IL1RAPL2: variants seen among roughly 807,000 people sequenced by gnomAD.
IL1RAPL2 encodes the protein interleukin 1 receptor accessory protein like 2.
A neutral mutation model predicts 44.1 loss-of-function variants in IL1RAPL2; 3 were observed. That is an observed-to-expected ratio of 0.07 (90% confidence interval 0.03 to 0.18). The LOEUF is 0.18. IL1RAPL2 is among the 10% of genes least tolerant of loss of function. IL1RAPL2 has a pLI of 1.00. For synonymous variants in IL1RAPL2, 181 were observed against 178.8 expected, an observed-to-expected ratio of 1.01 and a Z score of -0.10; for missense variants, 391 against 496.4, an observed-to-expected ratio of 0.79 and a Z score of 2.02.
rs210730 is a variant in IL1RAPL2, at chrX:105,595,366, A to C, written c.772+110979A>C. On this transcript the variant is annotated intron_variant, in intron 6 of 10. Coordinates refer to ENST00000372582, the MANE Select transcript of IL1RAPL2 (RefSeq NM_017416.2). ...ATTAAATAAGAATTTTACCACTGGA[A>C]TTTCTCTGAAACTTTAATATACTAA... 3.3e-3 allele frequency among the ~76,000 whole-genome samples: 372 copies of C among 111,650 alleles called. 1 individual carries two copies. Among genetic ancestry groups the C allele is most frequent in the African/African-American group, 0.011 (351 of 30,741 alleles).
intron 1 of IL1RAPL2, among the ~76,000 whole-genome samples, chrX:104,598,852 A>T (rs1312880668): frequency 8.9e-6 from 1 of 112,707 alleles, no homozygotes; most frequent in Non-Finnish European, 1.9e-5. Context: ...TGGTAGGGAC[A>T]GTACTTATCA....
chrX:105,131,094 A>C (rs1216936697), intron 2 of IL1RAPL2, among the ~76,000 whole-genome samples: 1 of 103,678 alleles, frequency 9.6e-6, no homozygotes, highest in Non-Finnish European at 2.0e-5. Flanking sequence ...CTGGAACTCA[A>C]ATTCTAGTCT....
chrX:105,383,577 T>C (rs1284937720), intron 5 of IL1RAPL2, among the ~76,000 whole-genome samples: 4 of 112,424 alleles, frequency 3.6e-5, no homozygotes, highest in Non-Finnish European at 7.5e-5. Context: ...CATGGGAATA[T>C]ACAGGTATTT....
At chrX:104,635,125 A>G (rs1248005943) in intron 1 of IL1RAPL2, among the ~76,000 whole-genome samples, 1 of 111,465 alleles carries the variant, frequency 9.0e-6, no homozygotes, top group African/African-American at 3.3e-5. Context: ...TGGATATGAA[A>G]TTCTGGGTTG....
At chrX:104,644,999 A>G (rs1274956699) in intron 1 of IL1RAPL2, among the ~76,000 whole-genome samples, 2 of 111,446 alleles carry the variant, frequency 1.8e-5, no homozygotes, top group African/African-American at 6.5e-5. Flanking sequence ...TCACTTGATC[A>G]CCCAGCGTTT....
chrX:104,603,229 C>G (rs1443374489), intron 1 of IL1RAPL2, among the ~76,000 whole-genome samples: 1 of 111,448 alleles, frequency 9.0e-6, no homozygotes, highest in Admixed American at 9.5e-5. Context: ...AGACCGGCAG[C>G]AGAGGGGTCT....
At chrX:105,435,850 C>T (rs2035878294) in intron 5 of IL1RAPL2, among the ~76,000 whole-genome samples, 1 of 110,625 alleles carries the variant, frequency 9.0e-6, no homozygotes, top group Non-Finnish European at 1.9e-5. Context: ...AATTAGAATA[C>T]GTGGACACAG....
chrX:105,395,339 C>G (rs2035554146), intron 5 of IL1RAPL2, among the ~76,000 whole-genome samples: 1 of 107,654 alleles, frequency 9.3e-6, no homozygotes, highest in Admixed American at 1.0e-4. Flanking sequence ...CCTCATGGAG[C>G]CATCATAAAG....
chrX:104,636,100 G>A (rs1449858737), intron 1 of IL1RAPL2, among the ~76,000 whole-genome samples: 1 of 112,055 alleles, frequency 8.9e-6, no homozygotes, highest in East Asian at 2.8e-4. Context: ...GAATTTTCTG[G>A]AGGTCCACTC....
At chrX:105,169,148 T>C (rs781706531) in intron 2 of IL1RAPL2, among the ~76,000 whole-genome samples, 14 of 111,944 alleles carry the variant, frequency 1.3e-4, no homozygotes, top group Non-Finnish European at 2.3e-4. Flanking sequence ...ATGCCACTTT[T>C]TGTCGAATGA....
chrX:105,053,563 C>T (rs2031954686), intron 2 of IL1RAPL2, among the ~76,000 whole-genome samples: 1 of 111,239 alleles, frequency 9.0e-6, no homozygotes, highest in Admixed American at 9.6e-5. Flanking sequence ...CCTAAGAAAA[C>T]AGAGTCTAGA....
chrX:105,197,269 A>G (rs112262782), intron 3 of IL1RAPL2, among the ~76,000 whole-genome samples: 5 of 110,706 alleles, frequency 4.5e-5, no homozygotes, highest in African/African-American at 1.6e-4. Flanking sequence ...TTAGTGACTG[A>G]CACTATATTC....
chrX:104,568,368 A>G (rs1928081140), intron 1 of IL1RAPL2, among the ~76,000 whole-genome samples: 1 of 111,763 alleles, frequency 8.9e-6, no homozygotes, highest in Non-Finnish European at 1.9e-5. Context: ...CCTCAGTGAC[A>G]GAGTCCCTGG....
At chrX:105,353,300 A>T (rs143812883) in intron 5 of IL1RAPL2, among the ~76,000 whole-genome samples, 14,441 of 110,980 alleles carry the variant, frequency 0.13, 2,297 homozygotes, top group African/African-American at 0.45. Context: ...ATATCTGTTT[A>T]GGTACCAGTA....
chrX:105,527,013 A>G (rs931764954), intron 6 of IL1RAPL2, among the ~76,000 whole-genome samples: 1 of 111,777 alleles, frequency 8.9e-6, no homozygotes, highest in Admixed American at 9.6e-5. Flanking sequence ...CAGATAAGGA[A>G]GCTAAGAAAA....
intron 8 of IL1RAPL2, among the ~76,000 whole-genome samples, chrX:105,742,728 T>C (rs138926001): frequency 9.0e-6 from 1 of 111,575 alleles, no homozygotes; most frequent in African/African-American, 3.3e-5. Context: ...GCTTACCACT[T>C]ATATGCTAAC....
chrX:105,164,049 T>A (rs185115761), intron 2 of IL1RAPL2, among the ~76,000 whole-genome samples: 1 of 106,447 alleles, frequency 9.4e-6, no homozygotes, highest in Admixed American at 1.0e-4. Context: ...TTGTCAACAG[T>A]TAAAGGTAGG....
chrX:105,510,230 CTGGT>C (rs774952884), intron 6 of IL1RAPL2, among the ~76,000 whole-genome samples: 3 of 111,022 alleles, frequency 2.7e-5, no homozygotes, highest in Non-Finnish European at 5.7e-5. Flanking sequence ...AATAAAGAAA[CTGGT>C]TGAACATTGT....
chrX:105,222,115 C>T (rs1338008326), intron 3 of IL1RAPL2, among the ~76,000 whole-genome samples: 2 of 111,783 alleles, frequency 1.8e-5, no homozygotes, highest in African/African-American at 6.5e-5. Context: ...CCCCAGGATA[C>T]CATTCTAATT....
Sources: allele counts gnomAD v4.1 joint callset (sites outside exome capture counted in the v4.1 genomes callset), GRCh38; gene constraint gnomAD v4.1.1; transcripts MANE v1.5; gene names NCBI Gene and HGNC (gene_info 2026-07-23, HGNC 2026-07-21).